GLRA3: variants seen among roughly 807,000 people sequenced by gnomAD.
The protein encoded by GLRA3 is glycine receptor alpha 3, also known as glycine receptor subunit alpha-3.
In GLRA3, 44 loss-of-function variants were observed where a neutral mutation model predicts 60.4. That is an observed-to-expected ratio of 0.73 (90% confidence interval 0.57 to 0.94). The LOEUF (loss-of-function observed/expected upper bound fraction) is 0.94. GLRA3 is among the 40% of genes least tolerant of loss of function. GLRA3 has a pLI of 0.00. For missense variants in GLRA3, 508 were observed against 564.6 expected (o/e 0.90, Z 1.02); for synonymous variants, 223 against 192.9 (o/e 1.16, Z -1.29).
chr4:174,739,628 G>C (rs780462733), intron 3 of GLRA3, among the ~76,000 whole-genome samples: 1 of 152,200 alleles, frequency 6.6e-6, no homozygotes, highest in African/African-American at 2.4e-5. Context: ...AATGTTAAGA[G>C]AATTAGACTA....
intron 3 of GLRA3, among the ~76,000 whole-genome samples, chr4:174,760,297 T>A (rs1225736322): frequency 2.0e-5 from 3 of 152,160 alleles, no homozygotes; most frequent in Non-Finnish European, 4.4e-5. Flanking sequence ...GTTAAAAAAT[T>A]AGAAGTGGGT....
At chr4:174,786,601 T>C (rs1322473812) in intron 2 of GLRA3, among the ~76,000 whole-genome samples, 2 of 152,202 alleles carry the variant, frequency 1.3e-5, no homozygotes, top group African/African-American at 4.8e-5. Context: ...AAGATGATGA[T>C]GTTATTTTAT....
intron 2 of GLRA3, among the ~76,000 whole-genome samples, chr4:174,786,162 C>T (rs965368217): frequency 6.6e-6 from 1 of 151,892 alleles, no homozygotes; most frequent in Non-Finnish European, 1.5e-5. Flanking sequence ...AATTCATTGT[C>T]TTTGACAATT....
chr4:174,710,605 C>G (rs571194879), intron 5 of GLRA3, among the ~76,000 whole-genome samples: 1 of 152,040 alleles, frequency 6.6e-6, no homozygotes, highest in Non-Finnish European at 1.5e-5. Flanking sequence ...GCTCTTTACG[C>G]GGACGTTTTT....
In GLRA3 at chr4:174,783,161, G is replaced by A. The variant is rs9683400; in HGVS notation, c.199+5655C>T. Among the ~76,000 whole-genome samples, 930 of 151,796 alleles carry A rather than the reference G, an allele frequency of 6.1e-3. 4 individuals are homozygous for A. The highest frequency in any genetic ancestry group is 0.02 in the African/African-American group (842 of 41,400). ...ACAGAACAGAGCCCTCAGAAATAAC[G>A]CCGCGTATCTACAACTATCTGATCT... On this transcript the variant is annotated intron_variant, in intron 2 of 9. Transcript: ENST00000274093.
At chr4:174,743,723 T>C (rs1208257598) in intron 3 of GLRA3, among the ~76,000 whole-genome samples, 2 of 152,232 alleles carry the variant, frequency 1.3e-5, no homozygotes, top group African/African-American at 4.8e-5. Flanking sequence ...GGTTTCCTTA[T>C]AACCCTTGCA....
At chr4:174,757,335 G>T (rs1737760184) in intron 3 of GLRA3, among the ~76,000 whole-genome samples, 1 of 151,960 alleles carries the variant, frequency 6.6e-6, no homozygotes. Flanking sequence ...TAGACGCAAT[G>T]AAACCTCTGT....
At chr4:174,758,016 C>G in intron 3 of GLRA3, among the ~76,000 whole-genome samples, 1 of 13,766 alleles carries the variant, frequency 7.3e-5, no homozygotes, top group Admixed American at 1.4e-3. Context: ...GCACCTTTCC[C>G]TCTCTCTTTT....
chr4:174,679,708 T>A (rs553932876), intron 6 of GLRA3, among the ~76,000 whole-genome samples: 2 of 152,260 alleles, frequency 1.3e-5, no homozygotes, highest in South Asian at 4.1e-4. Flanking sequence ...CAAAAAAGAA[T>A]GCAATTCTAT....
chr4:174,811,808 C>T (rs1740286399), intron 1 of GLRA3, among the ~76,000 whole-genome samples: 1 of 152,134 alleles, frequency 6.6e-6, no homozygotes, highest in Non-Finnish European at 1.5e-5. Flanking sequence ...ACATTTTCTT[C>T]CTTATATTCT....
At chr4:174,672,411 G>T (rs948737940) in intron 7 of GLRA3, among the ~76,000 whole-genome samples, 2 of 152,104 alleles carry the variant, frequency 1.3e-5, no homozygotes, top group African/African-American at 4.8e-5. Flanking sequence ...TCTTCCCTGT[G>T]GGTGGAGTGC....
intron 5 of GLRA3, among the ~76,000 whole-genome samples, chr4:174,693,042 T>C (rs1014967550): frequency 5.3e-5 from 8 of 152,192 alleles, no homozygotes; most frequent in African/African-American, 1.9e-4. Context: ...AAATTCTTTA[T>C]AGATGTTGGG....
At chr4:174,651,794 A>G (rs1457767025) in intron 9 of GLRA3, among the ~76,000 whole-genome samples, 2 of 152,150 alleles carry the variant, frequency 1.3e-5, no homozygotes, top group Admixed American at 1.3e-4. Context: ...AATTTATGGA[A>G]CCAAAGAGTC....
At chr4:174,716,542 C>A (rs969199120) in intron 4 of GLRA3, among the ~76,000 whole-genome samples, 1 of 152,170 alleles carries the variant, frequency 6.6e-6, no homozygotes, top group Non-Finnish European at 1.5e-5. Flanking sequence ...TTTCTGAGAA[C>A]TCTTTAGCAA....
At chr4:174,792,610 A>G (rs777452549) in intron 1 of GLRA3, among the ~76,000 whole-genome samples, 2 of 152,194 alleles carry the variant, frequency 1.3e-5, no homozygotes, top group African/African-American at 4.8e-5. Context: ...TATCATTCCA[A>G]TGCTTTCCGT....
chr4:174,686,452 C>T (rs951912159), intron 5 of GLRA3, among the ~76,000 whole-genome samples: 1 of 152,168 alleles, frequency 6.6e-6, no homozygotes, highest in Non-Finnish European at 1.5e-5. Flanking sequence ...TTAACCCTAA[C>T]TTCAGTCAAC....
At chr4:174,754,204 T>C (rs1023224691) in intron 3 of GLRA3, among the ~76,000 whole-genome samples, 1 of 152,178 alleles carries the variant, frequency 6.6e-6, no homozygotes, top group Non-Finnish European at 1.5e-5. Flanking sequence ...GATTTATTCA[T>C]ATGCCTCATG....
intron 5 of GLRA3, among the ~76,000 whole-genome samples, chr4:174,690,788 G>A (rs1579450770): frequency 6.6e-6 from 1 of 152,242 alleles, no homozygotes; most frequent in East Asian, 1.9e-4. Context: ...CAATTAGTTT[G>A]CCAAGGATAA....
At position 174,746,081 on chromosome 4, in the gene GLRA3, T is replaced by C. The variant is rs1737233918; in HGVS notation, c.268-17383A>G. On this transcript the variant is annotated intron_variant, in intron 3 of 9. Transcript: ENST00000274093. The stretch of plus-strand genomic sequence containing the variant: ...AGTACAACCACTATGGGAAACAGAA[T>C]GGAGATTTCTCAGAAAACTAAAAGT... Among the ~76,000 whole-genome samples the C allele has an allele frequency of 2.6e-5, 4 of 152,092 alleles. No individual in the cohort carries two copies. In the South Asian group the frequency reaches 6.2e-4, roughly 24 times the overall value.
Sources: allele counts gnomAD v4.1 joint callset (sites outside exome capture counted in the v4.1 genomes callset), GRCh38; gene constraint gnomAD v4.1.1; transcripts MANE v1.5; gene names NCBI Gene and HGNC (gene_info 2026-07-23, HGNC 2026-07-21).